FRMPD4: variants seen among roughly 807,000 people sequenced by gnomAD.
The protein encoded by FRMPD4 is FERM and PDZ domain-containing protein 4.
A neutral mutation model predicts 94.1 loss-of-function variants in FRMPD4; 22 were observed. That is an observed-to-expected ratio of 0.23 (90% CI 0.17 to 0.33). The LOEUF is 0.33. Among genes scored for constraint, FRMPD4 ranks in the 10% least tolerant of loss-of-function variants. The pLI is 1.00. For missense variants in FRMPD4, 1,111 were observed against 1,339.9 expected, an observed-to-expected ratio of 0.83 and a Z score of 2.67; for synonymous variants, 631 against 548.6, an observed-to-expected ratio of 1.15 and a Z score of -2.10.
chrX:12,709,764 T>C (rs2041947596), intron 13 of FRMPD4, among the ~76,000 whole-genome samples: 1 of 112,368 alleles, frequency 8.9e-6, no homozygotes, highest in African/African-American at 3.2e-5. Context: ...GTTTAACATG[T>C]TTAATTGTCT....
intron 3 of FRMPD4, among the ~76,000 whole-genome samples, chrX:11,957,730 A>G (rs1163656966): frequency 1.8e-5 from 2 of 111,903 alleles, no homozygotes; most frequent in Non-Finnish European, 3.8e-5. Context: ...CAACTCTACT[A>G]TTTGTAAAAT....
chrX:12,563,548 G>A (rs2058679753), intron 2 of FRMPD4, among the ~76,000 whole-genome samples: 1 of 112,349 alleles, frequency 8.9e-6, no homozygotes, highest in African/African-American at 3.2e-5. Context: ...TCCAGGGAAA[G>A]GTAGGACTTT....
At chrX:12,321,751 C>T (rs1460419611) in intron 1 of FRMPD4, among the ~76,000 whole-genome samples, 1 of 111,909 alleles carries the variant, frequency 8.9e-6, no homozygotes, top group African/African-American at 3.3e-5. Context: ...AGTTTAGTGA[C>T]AAGCAGGAAC....
At chrX:11,948,295 T>G (rs933724073) in intron 3 of FRMPD4, among the ~76,000 whole-genome samples, 1 of 109,890 alleles carries the variant, frequency 9.1e-6, no homozygotes, top group African/African-American at 3.3e-5. Context: ...GTTTGGGAGT[T>G]AATTAGGTTA....
intron 1 of FRMPD4, among the ~76,000 whole-genome samples, chrX:12,476,821 G>T (rs771489637): frequency 0.01 from 1,163 of 111,695 alleles, 7 homozygotes; most frequent in Non-Finnish European, 0.018. Context: ...AACAACAGGT[G>T]CTGGAGAGGA....
chrX:12,364,057 A>G (rs761020689), intron 1 of FRMPD4, among the ~76,000 whole-genome samples: 20 of 111,789 alleles, frequency 1.8e-4, no homozygotes, highest in African/African-American at 6.2e-4. Flanking sequence ...TTATGTTTCC[A>G]TATCAAGGAA....
chrX:12,110,052 C>A (rs1369583988), intron 3 of FRMPD4, among the ~76,000 whole-genome samples: 1 of 112,198 alleles, frequency 8.9e-6, no homozygotes, highest in South Asian at 3.7e-4. Context: ...AAGAGGGAAT[C>A]CTCCCTAACT....
At chrX:12,508,081 T>C (rs996831782) in intron 2 of FRMPD4, among the ~76,000 whole-genome samples, 2 of 112,404 alleles carry the variant, frequency 1.8e-5, no homozygotes, top group Admixed American at 1.9e-4. Context: ...ACAGCCCCAT[T>C]GTACTTTCAA....
At chrX:11,975,126 C>A (rs189842382) in intron 3 of FRMPD4, among the ~76,000 whole-genome samples, 12 of 111,713 alleles carry the variant, frequency 1.1e-4, no homozygotes, top group Admixed American at 2.8e-4. Context: ...AGAGCCTGAT[C>A]GGCATGAATG....
chrX:12,510,822 A>G (rs1289520390), intron 2 of FRMPD4, among the ~76,000 whole-genome samples: 1 of 112,093 alleles, frequency 8.9e-6, no homozygotes, highest in Non-Finnish European at 1.9e-5. Context: ...CATTTGGGCT[A>G]GTCTGGAGGC....
intron 1 of FRMPD4, among the ~76,000 whole-genome samples, chrX:12,326,242 A>G (rs1020406724): frequency 3.6e-5 from 4 of 112,072 alleles, no homozygotes; most frequent in Admixed American, 1.9e-4. Flanking sequence ...TCTTCAAATC[A>G]GATCAACTGC....
Position 12,720,704 on chromosome X carries a change from G to C in FRMPD4, c.4135G>C (p.Ala1379Pro). The C allele has an allele frequency of 2.8e-6, 3 of 1,072,623 alleles. No homozygotes were observed. The highest frequency in any genetic ancestry group is 3.6e-6 in the Non-Finnish European group (3 of 830,798). 88.4% of individuals were successfully genotyped at this position (1,072,623 alleles called of 1,213,427 possible). A position where few individuals can be genotyped will look rare whatever the true frequency, so the allele number is the denominator to read the frequency against. ...FSQANQAYGE[A>P]VSWRPPDLRG... The stretch of plus-strand genomic sequence containing the variant: ...CCAAGCAAATCAGGCATACGGAGAG[G>C]CTGTGAGCTGGCGGCCACCGGATCT... The change falls in exon 17 of 17, where the codon GCT (alanine) becomes CCT (proline). Residue 1379 changes from alanine (A) to proline (P), a missense_variant. Around this residue, in one of 8 missense-constraint regions of FRMPD4, gnomAD observed 551 missense variants for 591.6 expected, o/e 0.93. Transcript: ENST00000675598.
At chrX:12,232,508 C>T (rs1158111539) in intron 1 of FRMPD4, among the ~76,000 whole-genome samples, 1 of 110,623 alleles carries the variant, frequency 9.0e-6, no homozygotes, top group Non-Finnish European at 1.9e-5. Flanking sequence ...CTGGGTCCCT[C>T]CCACAACACG....
At chrX:12,108,523 C>G (rs2055322227) in intron 3 of FRMPD4, among the ~76,000 whole-genome samples, 1 of 111,993 alleles carries the variant, frequency 8.9e-6, no homozygotes, top group South Asian at 3.7e-4. Context: ...AACTAATGAG[C>G]AAAATAACCA....
intron 1 of FRMPD4, among the ~76,000 whole-genome samples, chrX:12,281,065 T>G (rs1164088687): frequency 8.9e-6 from 1 of 112,072 alleles, no homozygotes; most frequent in Non-Finnish European, 1.9e-5. Context: ...AGCATTACTG[T>G]GGGAAAAGTA....
intron 2 of FRMPD4, among the ~76,000 whole-genome samples, chrX:12,520,408 T>G (rs1339487023): frequency 8.9e-6 from 1 of 112,010 alleles, no homozygotes; most frequent in Non-Finnish European, 1.9e-5. Context: ...CTTTCACTTT[T>G]GCAAAGTGAA....
At chrX:12,263,685 T>A (rs997754695) in intron 1 of FRMPD4, among the ~76,000 whole-genome samples, 1 of 110,898 alleles carries the variant, frequency 9.0e-6, no homozygotes, top group Non-Finnish European at 1.9e-5. Context: ...GGATCCTGGA[T>A]ATATGTTGAG....
At chrX:12,064,375 A>G (rs954290560) in intron 3 of FRMPD4, among the ~76,000 whole-genome samples, 1 of 111,861 alleles carries the variant, frequency 8.9e-6, no homozygotes, top group African/African-American at 3.3e-5. Flanking sequence ...TTCATGAGAG[A>G]GTACCATATC....
intron 1 of FRMPD4, among the ~76,000 whole-genome samples, chrX:12,145,449 C>G (rs956765678): frequency 1.9e-4 from 21 of 112,704 alleles, no homozygotes; most frequent in African/African-American, 6.4e-4. Flanking sequence ...CTCAGCTATA[C>G]AGTGGTGGAG....
Sources: allele counts gnomAD v4.1 joint callset (sites outside exome capture counted in the v4.1 genomes callset), GRCh38; gene constraint gnomAD v4.1.1; regional missense constraint gnomAD v4.1.1; transcripts MANE v1.5; gene names NCBI Gene and HGNC (gene_info 2026-07-23, HGNC 2026-07-21).